The following SEMA6D variants were observed in gnomAD, a reference collection of about 807,000 sequenced individuals.
The protein encoded by SEMA6D is semaphorin-6D.
SEMA6D carries 35 observed loss-of-function variants against 106.6 expected under a neutral mutation model. That is an observed-to-expected ratio of 0.33 (90% CI 0.25 to 0.44). The LOEUF (loss-of-function observed/expected upper bound fraction) is 0.44. SEMA6D is among the 20% of genes least tolerant of loss of function. SEMA6D has a pLI of 1.00. For synonymous variants in SEMA6D, 499 were observed against 487.7 expected (o/e 1.02, Z -0.31); for missense variants, 1,185 against 1,345.9 (o/e 0.88, Z 1.87).
intron 3 of SEMA6D, among the ~76,000 whole-genome samples, chr15:47,565,308 C>T (rs2046197736): frequency 6.6e-6 from 1 of 152,208 alleles, no homozygotes; most frequent in South Asian, 2.1e-4. Flanking sequence ...CACCTGCACA[C>T]TCCCTCCCAT....
At chr15:47,299,729 A>G (rs1312443646) in intron 1 of SEMA6D, among the ~76,000 whole-genome samples, 2 of 152,182 alleles carry the variant, frequency 1.3e-5, no homozygotes, top group African/African-American at 4.8e-5. Flanking sequence ...ACATCCATCA[A>G]AAAGCTGTTT....
upstream of SEMA6D, among the ~76,000 whole-genome samples, chr15:47,712,645 TA>T (rs2079042650): frequency 6.6e-6 from 1 of 152,224 alleles, no homozygotes; most frequent in South Asian, 2.1e-4. Flanking sequence ...TTTAAGTATA[TA>T]TTTTTAGAAG....
chr15:47,374,119 C>A (rs932456217), intron 1 of SEMA6D, among the ~76,000 whole-genome samples: 1 of 152,176 alleles, frequency 6.6e-6, no homozygotes, highest in Non-Finnish European at 1.5e-5. Context: ...GAGCTCCCAA[C>A]TTATTCACCA....
Position 47,316,311 on chromosome 15 carries a change from C to T in SEMA6D, c.-238-96082C>T, listed in dbSNP as rs190569559. On this transcript the variant is annotated intron_variant, in intron 1 of 19. Transcript: ENST00000558014. ...TTCACCATGTTGGCCAGGCTGGTCT[C>T]GAACTCCTGACCTCAGGTGATCCAC... Among the ~76,000 whole-genome samples, 775 of 151,814 alleles carry T rather than the reference C, an allele frequency of 5.1e-3. 9 individuals are homozygous for T. Among genetic ancestry groups the T allele is most frequent in the African/African-American group, 0.018 (726 of 41,394 alleles).
At chr15:47,716,206 A>G (rs1238445250), upstream of SEMA6D, among the ~76,000 whole-genome samples, 1 of 152,168 alleles carries the variant, frequency 6.6e-6, no homozygotes, top group African/African-American at 2.4e-5. Flanking sequence ...TCTATATTTT[A>G]AAAGACTCCT....
At chr15:47,282,032 G>T (rs2035147831) in intron 1 of SEMA6D, among the ~76,000 whole-genome samples, 1 of 152,080 alleles carries the variant, frequency 6.6e-6, no homozygotes, top group East Asian at 1.9e-4. Flanking sequence ...TGCCTGGCAT[G>T]GAAGAGTAAT....
chr15:47,618,247 GA>G (rs1384732220), intron 4 of SEMA6D, among the ~76,000 whole-genome samples: 1 of 152,182 alleles, frequency 6.6e-6, no homozygotes, highest in Non-Finnish European at 1.5e-5. Flanking sequence ...CTTCATAACT[GA>G]AATCAGACTG....
intron 1 of SEMA6D, among the ~76,000 whole-genome samples, chr15:47,263,496 G>A (rs2034173421): frequency 6.6e-6 from 1 of 152,064 alleles, no homozygotes; most frequent in African/African-American, 2.4e-5. Context: ...ACCACAATGA[G>A]ACACCATCTT....
chr15:47,501,114 A>C (rs2043833848), intron 3 of SEMA6D, among the ~76,000 whole-genome samples: 1 of 152,170 alleles, frequency 6.6e-6, no homozygotes. Flanking sequence ...CCAGAAAAAA[A>C]TATTTTCTCC....
intron 1 of SEMA6D, among the ~76,000 whole-genome samples, chr15:47,192,012 C>T (rs988487764): frequency 6.6e-6 from 1 of 152,150 alleles, no homozygotes; most frequent in East Asian, 1.9e-4. Context: ...TATACTTTGC[C>T]TACATCCATG....
Position 47,761,172 on chromosome 15 carries a change from A to G in SEMA6D, c.297A>G (p.Arg99=). 1 of 1,613,810 alleles carries G rather than the reference A, an allele frequency of 6.2e-7. No individual in the cohort carries two copies. Among genetic ancestry groups the G allele is most frequent in the Non-Finnish European group, 8.5e-7 (1 of 1,179,828 alleles). ...EVIPNKKLTW[R]SRQQDRENCA... ...GATTAATACAGAAACTGACATGGCGATCAAGACAACAGGATCGAGAAAACT... is the reference window on the plus strand; with the variant it reads ...GATTAATACAGAAACTGACATGGCGGTCAAGACAACAGGATCGAGAAAACT... Residue 99 remains arginine, a synonymous_variant, in exon 5 of 19, where the codon CGA becomes CGG. Transcript: ENST00000536845.
chr15:47,207,706 T>C (rs533701253), intron 1 of SEMA6D, among the ~76,000 whole-genome samples: 1 of 152,232 alleles, frequency 6.6e-6, no homozygotes, highest in Admixed American at 6.5e-5. Flanking sequence ...ACCTAGGCCA[T>C]ATTTTTCATG....
chr15:47,275,060 C>T (rs1294348355), intron 1 of SEMA6D: 1 of 152,026 alleles, frequency 6.6e-6, no homozygotes, highest in African/African-American at 2.4e-5. Flanking sequence ...GGAAAATAGA[C>T]AAAGGAACTG....
At position 47,773,133 on chromosome 15, in the gene SEMA6D, G is replaced by A. The variant is rs192757959; in HGVS notation, c.*1348G>A. On this transcript the variant is annotated 3_prime_UTR_variant, in exon 19 of 19. Transcript: ENST00000536845. Reference sequence around the variant, plus strand: ...AAATCTGTCAAGTGTTTTCAGTATAGCACATTATTTACTGAGTGCCAGTTG... The same window carrying A: ...AAATCTGTCAAGTGTTTTCAGTATAACACATTATTTACTGAGTGCCAGTTG... 9.0e-4 allele frequency: 137 copies of A among 152,662 alleles called. No homozygotes were observed. Among genetic ancestry groups the A allele is most frequent in the Non-Finnish European group, 1.1e-3 (76 of 68,008 alleles). 9.5% of individuals were successfully genotyped at this position (152,662 alleles called of 1,614,324 possible).
intron 3 of SEMA6D, among the ~76,000 whole-genome samples, chr15:47,472,634 T>C (rs2042885144): frequency 6.6e-6 from 1 of 152,058 alleles, no homozygotes; most frequent in Non-Finnish European, 1.5e-5. Context: ...TCTTCTGAGC[T>C]TTAGAAGAAA....
chr15:47,740,444 C>T (rs556160950), intron 1 of SEMA6D, among the ~76,000 whole-genome samples: 51 of 152,100 alleles, frequency 3.4e-4, no homozygotes, highest in South Asian at 1.7e-3. Context: ...CACTTGAACC[C>T]GGGAGGTGGA....
chr15:47,766,969 G>T, intron 16 of SEMA6D, 68 bp from the exon 17 acceptor site: 14 of 826,590 alleles, frequency 1.7e-5, no homozygotes, highest in Non-Finnish European at 2.3e-5. Context: ...TTAGTTAATT[G>T]GAATTCATAA....
intron 2 of SEMA6D, among the ~76,000 whole-genome samples, chr15:47,454,400 A>G (rs1320089587): frequency 6.6e-6 from 1 of 151,928 alleles, no homozygotes; most frequent in African/African-American, 2.4e-5. Context: ...ACAAATGTGT[A>G]TTGAACACCT....
chr15:47,648,411 T>C (rs1052934447), intron 4 of SEMA6D, among the ~76,000 whole-genome samples: 33 of 152,176 alleles, frequency 2.2e-4, no homozygotes, highest in Admixed American at 2.2e-3. Flanking sequence ...CTGGTTCCCA[T>C]CTTGCACCCT....
Sources: gnomAD v4.1 joint callset for allele counts (sites outside exome capture counted in the v4.1 genomes callset) on GRCh38, gnomAD v4.1.1 for gene constraint, MANE v1.5 for transcripts, NCBI Gene and HGNC (gene_info 2026-07-23, HGNC 2026-07-21) for gene names.